The following DOCK8 variants were observed in gnomAD, a reference collection of about 807,000 sequenced individuals.
The protein encoded by DOCK8 is dedicator of cytokinesis protein 8.
DOCK8 carries 141 observed loss-of-function variants against 245.6 expected under a neutral mutation model. The observed-to-expected ratio is 0.57, with a 90% CI of 0.50 to 0.66. The LOEUF is 0.66. DOCK8 is among the 30% of genes least tolerant of loss of function. The pLI is 0.00. For synonymous variants in DOCK8, 1,168 were observed against 970.2 expected, an observed-to-expected ratio of 1.20 and a Z score of -3.79; for missense variants, 2,965 against 2,603.4, an observed-to-expected ratio of 1.14 and a Z score of -3.02.
intron 6 of DOCK8, among the ~76,000 whole-genome samples, chr9:313,886 G>T (rs893526175): frequency 1.3e-5 from 2 of 152,130 alleles, no homozygotes; most frequent in African/African-American, 4.8e-5. Context: ...TGTATACATA[G>T]ATCAAAACAT....
chr9:326,976 C>T (rs187556651), intron 8 of DOCK8, among the ~76,000 whole-genome samples: 7 of 152,280 alleles, frequency 4.6e-5, no homozygotes, highest in East Asian at 1.9e-4. Context: ...TTAAGTAATA[C>T]GACACTAAGA....
intron 35 of DOCK8, 143 bp from the exon 36 acceptor site, chr9:429,559 A>T (rs1458965777): frequency 1.0e-6 from 1 of 955,674 alleles, no homozygotes; most frequent in Non-Finnish European, 1.6e-6. Flanking sequence ...CTTCTGATTC[A>T]CATAGCTCAT....
chr9:284,201 G>C (rs1009014085), intron 2 of DOCK8, among the ~76,000 whole-genome samples: 2 of 152,174 alleles, frequency 1.3e-5, no homozygotes, highest in African/African-American at 4.8e-5. Context: ...TGGTCCTATG[G>C]AGGTGTCTGT....
At chr9:417,722 T>C (rs1359004012) in intron 29 of DOCK8, among the ~76,000 whole-genome samples, 2 of 152,250 alleles carry the variant, frequency 1.3e-5, no homozygotes, top group African/African-American at 4.8e-5. Context: ...TGCTTAATTC[T>C]GTAATTGTAG....
At chr9:279,753 A>G (rs10967642) in intron 2 of DOCK8, among the ~76,000 whole-genome samples, 21,190 of 152,188 alleles carry the variant, frequency 0.14, 2,571 homozygotes, top group African/African-American at 0.33. Flanking sequence ...AAATGTGAGG[A>G]CCACTCTCCA....
chr9:242,789 T>C (rs186928763), intron 1 of DOCK8, among the ~76,000 whole-genome samples: 10 of 151,508 alleles, frequency 6.6e-5, no homozygotes, highest in Admixed American at 4.6e-4. Flanking sequence ...ATCCTGGCCT[T>C]CCACGGAATC....
intron 14 of DOCK8, among the ~76,000 whole-genome samples, 179 bp from the exon 15 acceptor site, chr9:367,839 G>T (rs555085828): frequency 1.3e-5 from 2 of 152,264 alleles, no homozygotes; most frequent in African/African-American, 4.8e-5. Flanking sequence ...ATTTTCAGAT[G>T]ACTGTAGCTG....
chr9:224,547 G>A (rs562551978), intron 1 of DOCK8, among the ~76,000 whole-genome samples: 1 of 152,112 alleles, frequency 6.6e-6, no homozygotes, highest in Admixed American at 6.5e-5. Context: ...GCTGCCACGG[G>A]TAGAAATACT....
intron 17 of DOCK8, 120 bp downstream of exon 17, chr9:371,686 G>A: frequency 7.4e-7 from 1 of 1,359,134 alleles, no homozygotes. Context: ...AGCAAAACAT[G>A]CTAAGCCACA....
At position 249,930 on chromosome 9, in the gene DOCK8, C is replaced by T. The variant is rs147834727; in HGVS notation, c.54-21697C>T. Among the ~76,000 whole-genome samples the T allele has an allele frequency of 1.8e-4, 27 of 152,122 alleles. No homozygotes were observed. The East Asian group carries it at 3.7e-3, about 21-fold the overall frequency. The stretch of plus-strand genomic sequence containing the variant: ...GGCGTGAACTGCTGCACCTGGCTGA[C>T]GTGCTATTACTCTTACAGCATCTGG... On this transcript the variant is annotated intron_variant, in intron 1 of 47. Coordinates refer to ENST00000432829, the MANE Select transcript of DOCK8 (RefSeq NM_203447.4).
intron 14 of DOCK8, among the ~76,000 whole-genome samples, chr9:346,068 G>A (rs1341494449): frequency 6.6e-6 from 1 of 152,004 alleles, no homozygotes; most frequent in Non-Finnish European, 1.5e-5. Context: ...GAGGCATGGA[G>A]CTAGAGCAGG....
At chr9:406,519 C>G (rs2055425580) in intron 27 of DOCK8, among the ~76,000 whole-genome samples, 1 of 150,386 alleles carries the variant, frequency 6.6e-6, no homozygotes, top group South Asian at 2.1e-4. Flanking sequence ...AAGAAGGTAC[C>G]TGAGTAAGCA....
chr9:254,599 A>G (rs1272971973), intron 1 of DOCK8, among the ~76,000 whole-genome samples: 2 of 152,210 alleles, frequency 1.3e-5, no homozygotes, highest in Admixed American at 6.5e-5. Context: ...GACTTGTGCT[A>G]TCCTGGGAAC....
rs189063564 is a variant in DOCK8, at chr9:438,319, T to A, written c.5080-926T>A. Among the ~76,000 whole-genome samples, 807 of 152,370 alleles carry A rather than the reference T, an allele frequency of 5.3e-3. 6 individuals are homozygous for A. Among genetic ancestry groups the A allele is most frequent in the Non-Finnish European group, 7.5e-3 (511 of 68,030 alleles). ...TGTCCAAGCTCTGGGGAAAAAGTGC[T>A]ACAGTTGATTAGTTATGCCTGCCAT... On this transcript the variant is annotated intron_variant, in intron 39 of 47. Coordinates refer to ENST00000432829, the MANE Select transcript of DOCK8 (RefSeq NM_203447.4).
At chr9:371,764 T>A (rs2053296883) in intron 17 of DOCK8, among the ~76,000 whole-genome samples, 198 bp downstream of exon 17, 1 of 152,242 alleles carries the variant, frequency 6.6e-6, no homozygotes, top group African/African-American at 2.4e-5. Flanking sequence ...AGCTAGCGGG[T>A]GATAGATGTT....
intron 1 of DOCK8, among the ~76,000 whole-genome samples, chr9:221,658 A>C (rs1009301541): frequency 9.9e-6 from 1 of 101,014 alleles, no homozygotes; most frequent in Non-Finnish European, 2.1e-5. Flanking sequence ...CTAAAAGTAC[A>C]AAAAAAAAAA....
chr9:389,648 T>G (rs1476020939), intron 23 of DOCK8, among the ~76,000 whole-genome samples: 1 of 152,056 alleles, frequency 6.6e-6, no homozygotes, highest in East Asian at 1.9e-4. Context: ...AAATGCAAAT[T>G]CCCAGGCTAT....
chr9:231,621 A>G (rs1326747712), intron 1 of DOCK8, among the ~76,000 whole-genome samples: 27 of 152,078 alleles, frequency 1.8e-4, no homozygotes, highest in African/African-American at 5.1e-4. Flanking sequence ...CACATCCCTT[A>G]TAAGTTGGAT....
At chr9:335,909 T>A (rs112830600) in intron 11 of DOCK8, among the ~76,000 whole-genome samples, 5 of 152,186 alleles carry the variant, frequency 3.3e-5, no homozygotes, top group East Asian at 1.9e-4. Flanking sequence ...CTAAGCAATT[T>A]GATTATTTAC....
Sources: allele counts gnomAD v4.1 joint callset (sites outside exome capture counted in the v4.1 genomes callset), GRCh38; gene constraint gnomAD v4.1.1; transcripts MANE v1.5; gene names NCBI Gene and HGNC (gene_info 2026-07-23, HGNC 2026-07-21).